The following AKR1C2 variants were observed in gnomAD, a reference collection of about 807,000 sequenced individuals.
AKR1C2 encodes aldo-keto reductase family 1 member C2.
Under a neutral mutation model 39.8 loss-of-function variants are expected in AKR1C2, and 27 were observed. The ratio of observed to expected loss-of-function variants is 0.68; its 90% CI spans 0.50 to 0.93. The LOEUF (loss-of-function observed/expected upper bound fraction) is 0.93, where lower values mean the gene tolerates loss of function less well. AKR1C2 is among the 40% of genes least tolerant of loss of function. The pLI is 0.00. For missense variants in AKR1C2, 263 were observed against 365.1 expected (o/e 0.72, Z 2.28); for synonymous variants, 114 against 137.9 (o/e 0.83, Z 1.22).
chr10:5,008,180 A>G (rs11252881), upstream of AKR1C2, among the ~76,000 whole-genome samples: 6 of 149,830 alleles, frequency 4.0e-5, no homozygotes, highest in Non-Finnish European at 7.4e-5. Context: ...TTTGCTACAC[A>G]GTGCACCCAT....
At chr10:5,014,162 G>C (rs1218356360) in intron 1 of AKR1C2, among the ~76,000 whole-genome samples, 3 of 145,684 alleles carry the variant, frequency 2.1e-5, no homozygotes, top group Non-Finnish European at 4.5e-5. Flanking sequence ...TATGAATAAG[G>C]TTATCATGAA....
Position 4,989,372 on chromosome 10 carries a change from G to A in AKR1C2, c.*624C>T, listed in dbSNP as rs556804743. The A allele has an allele frequency of 2.0e-5, 3 of 151,998 alleles. No individual in the cohort carries two copies. The East Asian group carries it at 5.8e-4, about 29-fold the overall frequency. The allele number at this position is 151,998 out of a possible 1,614,324, so 9.4% of individuals were successfully genotyped here. ...TCCAAGCAGAGATGTACTCGACTCTGTCCTATTTAGCCTTCCCATACCTGA... is the reference window on the plus strand; with the variant it reads ...TCCAAGCAGAGATGTACTCGACTCTATCCTATTTAGCCTTCCCATACCTGA... On this transcript the variant is annotated 3_prime_UTR_variant, in exon 9 of 9. Transcript: ENST00000380753.
chr10:4,998,796 C>G, intron 4 of AKR1C2, 49 bp from the exon 5 acceptor site: 3 of 1,609,896 alleles, frequency 1.9e-6, no homozygotes, highest in Non-Finnish European at 1.7e-6. Context: ...GACTGAAGAG[C>G]AAGATAAATG....
intron 3 of AKR1C2, 143 bp downstream of exon 3, chr10:5,000,407 G>C: frequency 6.4e-7 from 1 of 1,570,026 alleles, no homozygotes. Context: ...CCATAGAAAG[G>C]AATTAGGAGT....
chr10:5,012,132 G>T (rs1216637146), intron 1 of AKR1C2, among the ~76,000 whole-genome samples: 1 of 152,106 alleles, frequency 6.6e-6, no homozygotes, highest in African/African-American at 2.4e-5. Flanking sequence ...TCAGAGCTAA[G>T]GAACAGGTTT....
At position 4,993,884 on chromosome 10, in the gene AKR1C2, CCA is replaced by C. The variant is rs781837224; in HGVS notation, c.846+1433_846+1434del. ...ACATATGTATAAATACTGATAATTT[CCA>C]CAGTCTTTCATAACTTTTCATTTTT... On this transcript the variant is annotated intron_variant, in intron 7 of 8. Coordinates refer to ENST00000380753, the MANE Select transcript of AKR1C2 (RefSeq NM_001393392.1). Among the ~76,000 whole-genome samples, 6 of 150,034 alleles carry C rather than the reference CCA, an allele frequency of 4.0e-5. No individual in the cohort carries two copies. The East Asian group carries it at 5.8e-4, about 15-fold the overall frequency.
At position 5,000,407 on chromosome 10, in the gene AKR1C2, G is replaced by A. The variant is rs547603860; in HGVS notation, c.369+143C>T. The A allele has an allele frequency of 5.7e-6, 9 of 1,570,026 alleles. No individual in the cohort carries two copies. The Admixed American group carries it at 1.7e-4, about 30-fold the overall frequency. The stretch of plus-strand genomic sequence containing the variant: ...AAATTGCTTTCTGTTCCATAGAAAG[G>A]AATTAGGAGTTATGTTTAGGGCTCT... On this transcript the variant is annotated intron_variant, in intron 3 of 8. Coordinates refer to ENST00000380753, the MANE Select transcript of AKR1C2 (RefSeq NM_001393392.1).
At chr10:5,002,129 A>G (rs1554773910) in intron 1 of AKR1C2, among the ~76,000 whole-genome samples, 2 of 152,182 alleles carry the variant, frequency 1.3e-5, no homozygotes, top group Non-Finnish European at 2.9e-5. Context: ...CCAGCATCAT[A>G]TTTTGTCAAT....
At chr10:4,998,535 G>C in intron 5 of AKR1C2, 90 bp downstream of exon 5, 1 of 1,570,866 alleles carries the variant, frequency 6.4e-7, no homozygotes, top group East Asian at 2.2e-5. Flanking sequence ...CTTTTACAAA[G>C]ATAAGTGGGA....
At chr10:5,017,077 TC>T (rs1322795313) in intron 1 of AKR1C2, among the ~76,000 whole-genome samples, 2 of 152,192 alleles carry the variant, frequency 1.3e-5, no homozygotes, top group Non-Finnish European at 2.9e-5. Context: ...TATTTTTCTC[TC>T]CTAAACCTCC....
intron 5 of AKR1C2, among the ~76,000 whole-genome samples, chr10:4,996,791 G>T (rs1190504418): frequency 6.6e-6 from 1 of 151,940 alleles, no homozygotes; most frequent in Admixed American, 6.6e-5. Context: ...TTTACTTGGT[G>T]AGAAATTATT....
chr10:4,999,380 T>G (rs1554773569), intron 3 of AKR1C2, 103 bp from the exon 4 acceptor site: 1 of 1,598,722 alleles, frequency 6.3e-7, no homozygotes, highest in African/African-American at 1.5e-5. Flanking sequence ...ATGAGGTAGG[T>G]GATGCAGCGC....
intron 4 of AKR1C2, 87 bp from the exon 5 acceptor site, chr10:4,998,834 G>T (rs540898056): frequency 5.1e-6 from 8 of 1,563,234 alleles, no homozygotes; most frequent in Non-Finnish European, 6.1e-6. Context: ...AGCAACAACT[G>T]TCTAGACGTG....
chr10:4,999,602 T>A (rs1396721608), intron 3 of AKR1C2: 10 of 228,458 alleles, frequency 4.4e-5, no homozygotes, highest in African/African-American at 1.6e-4. Context: ...CTGCAAAAGA[T>A]CTTGATATCC....
In AKR1C2 at chr10:4,989,990, T is replaced by G. The variant is rs781783419; in HGVS notation, c.*6A>C. The G allele has an allele frequency of 3.0e-5, 49 of 1,609,004 alleles. No homozygotes were observed. Among genetic ancestry groups the G allele is most frequent in the Non-Finnish European group, 4.0e-5 (47 of 1,177,866 alleles). On this transcript the variant is annotated 3_prime_UTR_variant, in exon 9 of 9. Transcript: ENST00000380753. ...TTCTGGCAGACCTCATGCAATGCCC[T>G]CCATGTTAATATTCATCAGAAAATG...
rs76620886 is a variant in AKR1C2, at chr10:5,003,204, G to GTT, written c.84+546_84+547dup. On this transcript the variant is annotated intron_variant, in intron 1 of 8. Coordinates refer to ENST00000380753, the MANE Select transcript of AKR1C2 (RefSeq NM_001393392.1). Reference sequence around the variant, plus strand: ...TTTAAACTTTCCTTGTTTGGTTCTAGTTTTTTTTTTTTTTTCTTAAAATGA... The same window carrying GTT: ...TTTAAACTTTCCTTGTTTGGTTCTAGTTTTTTTTTTTTTTTTTCTTAAAATGA... Among the ~76,000 whole-genome samples the GTT allele has an allele frequency of 6.9e-3, 954 of 139,256 alleles. 13 individuals carry two copies. The highest frequency in any genetic ancestry group is 0.024 in the African/African-American group (911 of 38,178). The allele number at this position is 139,256 out of a possible 152,430, so 91.4% of individuals were successfully genotyped here.
intron 7 of AKR1C2, among the ~76,000 whole-genome samples, chr10:4,993,636 A>T (rs1836916582): frequency 1.3e-5 from 2 of 152,132 alleles, no homozygotes; most frequent in Non-Finnish European, 2.9e-5. Context: ...TACATGAAGG[A>T]TAGAAACTTT....
intron 1 of AKR1C2, among the ~76,000 whole-genome samples, chr10:5,011,627 A>G (rs1233554580): frequency 2.6e-5 from 4 of 152,200 alleles, no homozygotes; most frequent in Non-Finnish European, 5.9e-5. Context: ...GTACAAGGAC[A>G]AGAGACCCCA....
chr10:5,011,384 G>T (rs1382139810), intron 1 of AKR1C2, among the ~76,000 whole-genome samples: 1 of 152,186 alleles, frequency 6.6e-6, no homozygotes, highest in Non-Finnish European at 1.5e-5. Context: ...TCACCACTGT[G>T]CAATGTATCT....
Sources: allele counts gnomAD v4.1 joint callset (sites outside exome capture counted in the v4.1 genomes callset), GRCh38; gene constraint gnomAD v4.1.1; transcripts MANE v1.5; gene names NCBI Gene and HGNC (gene_info 2026-07-23, HGNC 2026-07-21).